Variants in ABRAXAS2 observed in about 807,000 individuals in gnomAD.
ABRAXAS2 encodes abraxas 2, BRISC complex subunit.
Under a neutral mutation model 49.0 loss-of-function variants are expected in ABRAXAS2, and 23 were observed. That is an observed-to-expected ratio of 0.47 (90% CI 0.34 to 0.66). The LOEUF is 0.66. Ranked by LOEUF, ABRAXAS2 falls within the 30% of genes least tolerant of loss-of-function variation. The pLI is 0.01. For synonymous variants in ABRAXAS2, 168 were observed against 180.2 expected, an observed-to-expected ratio of 0.93 and a Z score of 0.54; for missense variants, 443 against 511.9, an observed-to-expected ratio of 0.87 and a Z score of 1.30.
intron 1 of ABRAXAS2, among the ~76,000 whole-genome samples, chr10:124,803,227 A>C (rs1000091731): frequency 6.6e-6 from 1 of 152,206 alleles, no homozygotes; most frequent in African/African-American, 2.4e-5. Flanking sequence ...TTAATTCAAG[A>C]GATATCCCTT....
intron 4 of ABRAXAS2, among the ~76,000 whole-genome samples, chr10:124,825,908 A>G (rs1950893363): frequency 6.6e-6 from 1 of 152,260 alleles, no homozygotes; most frequent in Non-Finnish European, 1.5e-5. Context: ...GATGGGGTCC[A>G]GGAATCTGCA....
intron 2 of ABRAXAS2, among the ~76,000 whole-genome samples, chr10:124,811,750 A>C (rs1385789458): frequency 6.6e-6 from 1 of 152,156 alleles, no homozygotes. Flanking sequence ...AAAAAAAGAA[A>C]CATAATAAAA....
At chr10:124,821,037 C>A (rs984995599) in intron 4 of ABRAXAS2, among the ~76,000 whole-genome samples, 1 of 151,870 alleles carries the variant, frequency 6.6e-6, no homozygotes, top group African/African-American at 2.4e-5. Flanking sequence ...CCTCAGCCCC[C>A]CAAGTAGCTG....
chr10:124,815,135 A>G (rs979576765), intron 2 of ABRAXAS2: 3 of 152,142 alleles, frequency 2.0e-5, no homozygotes, highest in Non-Finnish European at 4.4e-5. Context: ...TCATTTTGAC[A>G]ACATTAACAC....
chr10:124,808,357 T>A (rs962422918), intron 2 of ABRAXAS2, among the ~76,000 whole-genome samples: 1 of 152,098 alleles, frequency 6.6e-6, no homozygotes, highest in Non-Finnish European at 1.5e-5. Context: ...TTTGTATTTT[T>A]AGTAGAGACG....
In ABRAXAS2 at chr10:124,832,494, G is replaced by A. The variant is rs140892032; in HGVS notation, c.778+1031G>A. On this transcript the variant is annotated intron_variant, in intron 8 of 8. Transcript: ENST00000298492. ...ATAATCCAGTTAAAATGTAATTTAT[G>A]TTTCCAGGCAAATATAACAGTCTGA... Among the ~76,000 whole-genome samples the A allele has an allele frequency of 1.3e-4, 20 of 152,278 alleles. No individual in the cohort carries two copies. The East Asian group carries it at 3.9e-3, about 29-fold the overall frequency.
At chr10:124,821,549 CAG>C (rs142861537) in intron 4 of ABRAXAS2, among the ~76,000 whole-genome samples, 20,633 of 151,450 alleles carry the variant, frequency 0.14, 1,589 homozygotes, top group African/African-American at 0.19. Context: ...ACCTGGGTGA[CAG>C]AGCGAGACCC....
intron 3 of ABRAXAS2, among the ~76,000 whole-genome samples, chr10:124,817,315 C>T (rs1393933281): frequency 2.0e-5 from 3 of 152,036 alleles, no homozygotes; most frequent in Admixed American, 6.6e-5. Context: ...GAGAAACGTT[C>T]GGAAAGGAGA....
At chr10:124,826,064 T>G (rs1564923796) in intron 4 of ABRAXAS2, among the ~76,000 whole-genome samples, 1 of 152,212 alleles carries the variant, frequency 6.6e-6, no homozygotes, top group African/African-American at 2.4e-5. Flanking sequence ...AAGCTAAACT[T>G]TTAAAATAGA....
chr10:124,816,419 A>C (rs1804075199), intron 2 of ABRAXAS2, among the ~76,000 whole-genome samples, 157 bp from the exon 3 acceptor site: 1 of 152,086 alleles, frequency 6.6e-6, no homozygotes, highest in South Asian at 2.1e-4. Flanking sequence ...ACTGAGGGTG[A>C]GTATTCAGAC....
intron 2 of ABRAXAS2, among the ~76,000 whole-genome samples, chr10:124,811,270 T>C (rs1950785558): frequency 6.6e-6 from 1 of 152,026 alleles, no homozygotes; most frequent in Non-Finnish European, 1.5e-5. Context: ...AGAACATCTG[T>C]GCAGTTATTT....
intron 4 of ABRAXAS2, among the ~76,000 whole-genome samples, chr10:124,825,298 A>G (rs1564923553): frequency 6.9e-6 from 1 of 145,858 alleles, no homozygotes; most frequent in Non-Finnish European, 1.5e-5. Context: ...AGCCTGAGTG[A>G]CAAAGCAAGA....
At position 124,836,369 on chromosome 10, in the gene ABRAXAS2, CACT is replaced by C. The variant is rs1329384293; in HGVS notation, c.*1399_*1401del. On this transcript the variant is annotated 3_prime_UTR_variant, in exon 9 of 9. Coordinates refer to ENST00000298492, the MANE Select transcript of ABRAXAS2 (RefSeq NM_032182.4). ...CTAGAACTGCCGTTCTTTGGATCGC[CACT>C]CTATGGGGGTCTGTCTTTTAACTAC... The C allele has an allele frequency of 1.3e-5, 2 of 152,146 alleles. No individual in the cohort carries two copies. The highest frequency in any genetic ancestry group is 2.9e-5 in the Non-Finnish European group (2 of 68,028). 9.4% of individuals were successfully genotyped at this position (152,146 alleles called of 1,614,324 possible). A position where few individuals can be genotyped will look rare whatever the true frequency, so the allele number is the denominator to read the frequency against.
intron 1 of ABRAXAS2, among the ~76,000 whole-genome samples, chr10:124,802,172 C>T (rs1382755090): frequency 1.3e-5 from 2 of 152,248 alleles, no homozygotes; most frequent in African/African-American, 2.4e-5. Context: ...TCCCACCTGG[C>T]CTCCTGCAGT....
chr10:124,813,749 A>G (rs931194081), intron 2 of ABRAXAS2, among the ~76,000 whole-genome samples: 2 of 152,254 alleles, frequency 1.3e-5, no homozygotes, highest in Non-Finnish European at 2.9e-5. Flanking sequence ...CACAGTATCT[A>G]TAGAATGTCT....
In ABRAXAS2 at chr10:124,834,933, G is replaced by T. The variant is rs757625361; in HGVS notation, c.1210G>T (p.Asp404Tyr). 1.1e-5 allele frequency: 18 copies of T among 1,613,266 alleles called. No individual in the cohort carries two copies. Among genetic ancestry groups the T allele is most frequent in the Admixed American group, 1.7e-5 (1 of 59,910 alleles). ...SKDSRPMAHPDEDPRNTQTSQ... is the reference protein window; with the variant it reads ...SKDSRPMAHPYEDPRNTQTSQ... ...GGATTCTCGACCCATGGCACATCCCGACGAGGACCCCAGGAACACTCAGAC... is the reference window on the plus strand; with the variant it reads ...GGATTCTCGACCCATGGCACATCCCTACGAGGACCCCAGGAACACTCAGAC... The change falls in exon 9 of 9, where the codon GAC (aspartate) becomes TAC (tyrosine). Residue 404 changes from aspartate (D) to tyrosine (Y), a missense_variant. By Grantham distance (160) the Asp-to-Tyr change is radical. Transcript: ENST00000298492.
At position 124,834,749 on chromosome 10, in the gene ABRAXAS2, T is replaced by C; in HGVS notation, c.1026T>C (p.Tyr342=). 1 of 1,614,164 alleles carries C rather than the reference T, an allele frequency of 6.2e-7. No individual in the cohort carries two copies. Among genetic ancestry groups the C allele is most frequent in the South Asian group, 1.1e-5 (1 of 91,080 alleles). Residue 342 remains tyrosine (Y), a synonymous_variant, in exon 9 of 9, where the codon TAT becomes TAC. Transcript: ENST00000298492. ...PRPQAVGSSN[Y]ASTSAGLKYP... is the part of the protein sequence containing the mutation. ...CTCAAGCTGTGGGCTCTTCCAATTA[T>C]GCTTCCACCAGTGCCGGACTGAAGT... is the stretch of plus-strand genomic sequence containing the variant.
At chr10:124,803,712 A>C (rs553444099) in intron 1 of ABRAXAS2, among the ~76,000 whole-genome samples, 6 of 152,054 alleles carry the variant, frequency 3.9e-5, no homozygotes, top group Non-Finnish European at 7.4e-5. Context: ...GACCAGCCTG[A>C]CCAACAAGGA....
At chr10:124,825,724 C>CTGTAT (rs1474790512) in intron 4 of ABRAXAS2, among the ~76,000 whole-genome samples, 2 of 152,186 alleles carry the variant, frequency 1.3e-5, no homozygotes, top group East Asian at 3.8e-4. Flanking sequence ...AAGAAGGAAG[C>CTGTAT]TGTATGAAGA....
Sources: allele counts gnomAD v4.1 joint callset (sites outside exome capture counted in the v4.1 genomes callset), GRCh38; gene constraint gnomAD v4.1.1; transcripts MANE v1.5; gene names NCBI Gene and HGNC (gene_info 2026-07-23, HGNC 2026-07-21).